MIPOL1: variants seen among roughly 807,000 people sequenced by gnomAD.
MIPOL1 encodes the protein mirror-image polydactyly 1, also known as mirror-image polydactyly gene 1 protein.
In MIPOL1, 57 loss-of-function variants were observed where a neutral mutation model predicts 60.9. The ratio of observed to expected loss-of-function variants is 0.94; its 90% CI spans 0.76 to 1.17. The LOEUF is 1.17. MIPOL1 is among the 50% of genes most tolerant of loss of function. The pLI is 0.00. For missense variants in MIPOL1, 551 were observed against 511.6 expected, an observed-to-expected ratio of 1.08 and a Z score of -0.74; for synonymous variants, 179 against 168.8, an observed-to-expected ratio of 1.06 and a Z score of -0.47.
chr14:37,295,379 G>C (rs1439988626), intron 7 of MIPOL1, among the ~76,000 whole-genome samples: 1 of 152,148 alleles, frequency 6.6e-6, no homozygotes, highest in Non-Finnish European at 1.5e-5. Flanking sequence ...ATCAAGGCTA[G>C]GAAGAAACTG....
At chr14:37,363,783 C>T (rs1199451935) in intron 9 of MIPOL1, among the ~76,000 whole-genome samples, 3 of 152,186 alleles carry the variant, frequency 2.0e-5, no homozygotes, top group Admixed American at 6.5e-5. Flanking sequence ...CTGTGGTGGG[C>T]GCTGCCCAGT....
intron 12 of MIPOL1, among the ~76,000 whole-genome samples, chr14:37,542,299 CT>C (rs1381366551): frequency 6.6e-6 from 1 of 152,002 alleles, no homozygotes; most frequent in Non-Finnish European, 1.5e-5. Context: ...AATTTCTTTT[CT>C]TTATATATTT....
intron 3 of MIPOL1, among the ~76,000 whole-genome samples, chr14:37,252,732 A>G (rs550067213): frequency 9.2e-5 from 14 of 152,074 alleles, no homozygotes; most frequent in African/African-American, 3.4e-4. Flanking sequence ...CTGTAATTGA[A>G]TTATAACTAA....
chr14:37,336,755 A>G (rs544280317), intron 9 of MIPOL1, among the ~76,000 whole-genome samples: 19 of 151,432 alleles, frequency 1.3e-4, no homozygotes, highest in African/African-American at 4.6e-4. Flanking sequence ...TATCTTTTTA[A>G]AAATTTTTTT....
At chr14:37,419,781 A>T (rs1468712699) in intron 10 of MIPOL1, among the ~76,000 whole-genome samples, 1 of 151,468 alleles carries the variant, frequency 6.6e-6, no homozygotes, top group Non-Finnish European at 1.5e-5. Context: ...CACTTTGTCG[A>T]CCAGGCTGGA....
At chr14:37,239,898 A>G (rs1265957888) in intron 1 of MIPOL1, among the ~76,000 whole-genome samples, 1 of 152,218 alleles carries the variant, frequency 6.6e-6, no homozygotes, top group Non-Finnish European at 1.5e-5. Context: ...ATTGTATTCT[A>G]TAACCTGTAA....
intron 7 of MIPOL1, among the ~76,000 whole-genome samples, chr14:37,289,609 C>T (rs1168544535): frequency 6.6e-6 from 1 of 152,192 alleles, no homozygotes; most frequent in East Asian, 1.9e-4. Flanking sequence ...AGGTGCAGAG[C>T]TTCCGTGCCC....
chr14:37,525,090 G>A (rs2095439042), intron 12 of MIPOL1, among the ~76,000 whole-genome samples: 1 of 152,166 alleles, frequency 6.6e-6, no homozygotes, highest in African/African-American at 2.4e-5. Flanking sequence ...GTTATTTGAA[G>A]GTACTTAGAG....
At chr14:37,407,127 A>G (rs2093601474) in intron 10 of MIPOL1, among the ~76,000 whole-genome samples, 3 of 152,222 alleles carry the variant, frequency 2.0e-5, no homozygotes, top group African/African-American at 7.2e-5. Context: ...ATAAAAATAT[A>G]GAGTTGTTAA....
In MIPOL1 at chr14:37,198,060, A is replaced by C. The variant is rs1392934872; in HGVS notation, c.-243A>C. On this transcript the variant is annotated 5_prime_UTR_variant, in exon 1 of 13. Transcript: ENST00000684589. ...GCGCACTCGGCCTGAGAAACTCGGC[A>C]AGCGCGCAGTGTCGACTCCCCGGTC... 1 of 152,292 alleles carries C rather than the reference A, an allele frequency of 6.6e-6. No individual in the cohort carries two copies. Among genetic ancestry groups the C allele is most frequent in the Non-Finnish European group, 1.5e-5 (1 of 68,106 alleles). 9.4% of individuals were successfully genotyped at this position (152,292 alleles called of 1,614,324 possible).
At chr14:37,198,309 C>T (rs567875295) in intron 1 of MIPOL1, 1 of 152,564 alleles carries the variant, frequency 6.6e-6, no homozygotes, top group Non-Finnish European at 1.5e-5. Flanking sequence ...AGGTGGCAGA[C>T]AGCTCTTTCT....
intron 9 of MIPOL1, among the ~76,000 whole-genome samples, chr14:37,335,596 C>A (rs1459638293): frequency 6.6e-6 from 1 of 151,980 alleles, no homozygotes; most frequent in Non-Finnish European, 1.5e-5. Context: ...AATTTCCTTT[C>A]TTTTTTAGAC....
intron 10 of MIPOL1, among the ~76,000 whole-genome samples, chr14:37,382,509 T>A (rs532118631): frequency 6.6e-6 from 1 of 152,192 alleles, no homozygotes; most frequent in African/African-American, 2.4e-5. Flanking sequence ...AATGTAGTTT[T>A]CATACCAAAC....
chr14:37,318,172 C>CTT (rs2088134046), intron 9 of MIPOL1, among the ~76,000 whole-genome samples: 1 of 152,148 alleles, frequency 6.6e-6, no homozygotes, highest in Admixed American at 6.6e-5. Flanking sequence ...ATGATGTAAC[C>CTT]TTCAAGGTTA....
chr14:37,444,558 G>T (rs1182917307), intron 11 of MIPOL1, among the ~76,000 whole-genome samples: 1 of 152,166 alleles, frequency 6.6e-6, no homozygotes, highest in Non-Finnish European at 1.5e-5. Context: ...CAAATGATTA[G>T]AATTGCCAAG....
At chr14:37,297,601 G>A (rs1594982139) in intron 7 of MIPOL1, among the ~76,000 whole-genome samples, 1 of 152,166 alleles carries the variant, frequency 6.6e-6, no homozygotes, top group Non-Finnish European at 1.5e-5. Context: ...AGCAACTTCA[G>A]CAAAGTCTCA....
In MIPOL1 at chr14:37,198,738, C is replaced by T. The variant is rs374305034; in HGVS notation, c.-199+634C>T. Among the ~76,000 whole-genome samples the T allele has an allele frequency of 2.8e-4, 43 of 152,290 alleles. No homozygotes were observed. The East Asian group carries it at 4.8e-3, about 17-fold the overall frequency. ...CCACAAACACACGCGTTTGGAAAAGCTCCTTTGAGCATTTTATGCAGGTTA... is the reference window on the plus strand; with the variant it reads ...CCACAAACACACGCGTTTGGAAAAGTTCCTTTGAGCATTTTATGCAGGTTA... On this transcript the variant is annotated intron_variant, in intron 1 of 12. Transcript: ENST00000684589.
chr14:37,227,265 G>T (rs905037358), intron 1 of MIPOL1, among the ~76,000 whole-genome samples: 1 of 152,180 alleles, frequency 6.6e-6, no homozygotes, highest in Non-Finnish European at 1.5e-5. Context: ...GAGACTGCTT[G>T]CTGTTCAAAT....
chr14:37,231,120 G>C (rs1026212625), intron 1 of MIPOL1, among the ~76,000 whole-genome samples: 1 of 151,970 alleles, frequency 6.6e-6, no homozygotes, highest in Non-Finnish European at 1.5e-5. Context: ...TTTGAGACAA[G>C]GTCTTGCTGT....
Sources: allele counts gnomAD v4.1 joint callset (sites outside exome capture counted in the v4.1 genomes callset), GRCh38; gene constraint gnomAD v4.1.1; transcripts MANE v1.5; gene names NCBI Gene and HGNC (gene_info 2026-07-23, HGNC 2026-07-21).